Variants in PER3 observed in about 807,000 individuals in gnomAD.
The protein encoded by PER3 is period circadian regulator 3.
Under a neutral mutation model 127.2 loss-of-function variants are expected in PER3, and 107 were observed. The observed-to-expected ratio is 0.84, with a 90% confidence interval of 0.72 to 0.99. The LOEUF is 0.99. Among genes scored for constraint, PER3 ranks in the 50% least tolerant of loss-of-function variants. The probability of loss-of-function intolerance (pLI) is 0.00; values close to 1 mark genes in which losing one functional copy is unlikely to be tolerated. For missense variants in PER3, 1,560 were observed against 1,525.8 expected, an observed-to-expected ratio of 1.02 and a Z score of -0.37; for synonymous variants, 618 against 585.8, an observed-to-expected ratio of 1.05 and a Z score of -0.79.
chr1:7,835,977 A>AT, intron 20 of PER3, 32 bp downstream of exon 20: 1 of 1,436,580 alleles, frequency 7.0e-7, no homozygotes, highest in Non-Finnish European at 9.6e-7. Context: ...CCCACTTTTT[A>AT]TATTTTTGTG....
At chr1:7,819,229 T>C (rs990720511) in intron 13 of PER3, 56 bp from the exon 14 acceptor site, 6 of 1,483,044 alleles carry the variant, frequency 4.0e-6, no homozygotes, top group South Asian at 1.2e-5. Context: ...AGAAAGTATA[T>C]GTTCTTAATT....
Position 7,826,651 on chromosome 1 carries a change from C to T in PER3, c.2129C>T (p.Pro710Leu). 3 of 1,613,402 alleles carry T rather than the reference C, an allele frequency of 1.9e-6. No homozygotes were observed. The highest frequency in any genetic ancestry group is 2.5e-6 in the Non-Finnish European group (3 of 1,179,404). The part of the protein sequence containing the change: ...DKFREKILSS[P>L]YSSYLQQESR... The stretch of plus-strand genomic sequence containing the variant: ...TTCCGAGAAAAGATCCTGTCATCAC[C>T]CTACAGCTCCTATCTTCAGCAAGAA... The change falls in exon 17 of 22, where the codon CCC (proline) becomes CTC (leucine). Residue 710 changes from proline (P) to leucine (L), a missense_variant. Transcript: ENST00000377532. This position sits in a 1 kb window ranked among gnomAD's most constrained non-coding sequence, Gnocchi z 4.2.
intron 10 of PER3, 97 bp from the exon 11 acceptor site, chr1:7,808,796 T>C (rs1313615149): frequency 7.3e-6 from 5 of 687,854 alleles, no homozygotes; most frequent in Admixed American, 5.6e-5. Context: ...AGAATTGTTT[T>C]GTAAAAGCAT....
intron 18 of PER3, among the ~76,000 whole-genome samples, chr1:7,829,218 A>G (rs1208262055): frequency 3.3e-5 from 5 of 152,232 alleles, no homozygotes; most frequent in Non-Finnish European, 7.3e-5. Flanking sequence ...TTTCCTAAAC[A>G]TACTATACAT....
In PER3 at chr1:7,792,045, A is replaced by G. The variant is rs1340708085; in HGVS notation, c.593-1912A>G. On this transcript the variant is annotated intron_variant, in intron 5 of 21. Transcript: ENST00000377532. Reference sequence around the variant, plus strand: ...GTCACTTCCACATTTTTGGGTATCTATGGCAGCACCCCACTCTTTGCAGTA... The same window carrying G: ...GTCACTTCCACATTTTTGGGTATCTGTGGCAGCACCCCACTCTTTGCAGTA... Among the ~76,000 whole-genome samples, 3 of 152,142 alleles carry G rather than the reference A, an allele frequency of 2.0e-5. 1 individual carries two copies. The highest frequency in any genetic ancestry group is 4.4e-5 in the Non-Finnish European group (3 of 68,042).
chr1:7,844,705 GC>G lies in PER3; in HGVS notation c.*1951del, dbSNP rs2097403779. 1 of 152,826 alleles carries G rather than the reference GC, an allele frequency of 6.5e-6. No homozygotes were observed. The highest frequency in any genetic ancestry group is 2.4e-5 in the African/African-American group (1 of 41,474). 9.5% of individuals were successfully genotyped at this position (152,826 alleles called of 1,614,324 possible). A position where few individuals can be genotyped will look rare whatever the true frequency, so the allele number is the denominator to read the frequency against. ...TGGTGCTTGTCGCAGAACTGTCAGA[GC>G]ATGAGGAGCGCTCCTCCTGTGGGTG... On this transcript the variant is annotated 3_prime_UTR_variant, in exon 22 of 22. Transcript: ENST00000377532.
intron 6 of PER3, among the ~76,000 whole-genome samples, chr1:7,797,881 A>G (rs919970784): frequency 6.6e-6 from 1 of 152,124 alleles, no homozygotes; most frequent in Non-Finnish European, 1.5e-5. Context: ...CCGGGTGATG[A>G]TATTTGAAGT....
intron 10 of PER3, among the ~76,000 whole-genome samples, chr1:7,804,189 C>T (rs942529141): frequency 2.0e-5 from 3 of 151,452 alleles, no homozygotes; most frequent in Non-Finnish European, 2.9e-5. Context: ...TTATTTATAC[C>T]TATGATTATA....
chr1:7,810,864 T>C (rs907343265), intron 13 of PER3: 8 of 262,784 alleles, frequency 3.0e-5, no homozygotes, highest in Admixed American at 1.1e-4. Context: ...CAACGAATTA[T>C]AGATTTCCCT....
At position 7,788,265 on chromosome 1, in the gene PER3, A is replaced by G; in HGVS notation, c.592+19A>G. The G allele has an allele frequency of 6.5e-7, 1 of 1,536,132 alleles. No individual in the cohort carries two copies. On this transcript the variant is annotated intron_variant, in intron 5 of 21. Transcript: ENST00000377532. ...CAAAGAGGTAACAGGACCAATGTTC[A>G]GATGTCTATCTTTCCTCATCAAGAT...
chr1:7,805,713 C>CA (rs2150754842), intron 10 of PER3, among the ~76,000 whole-genome samples: 1 of 152,280 alleles, frequency 6.6e-6, no homozygotes, highest in East Asian at 1.9e-4. Context: ...TAGGAAACTG[C>CA]AGCCAGTAAG....
intron 13 of PER3, among the ~76,000 whole-genome samples, chr1:7,818,341 T>C (rs2097260695): frequency 1.3e-5 from 2 of 152,240 alleles, no homozygotes; most frequent in Non-Finnish European, 2.9e-5. Flanking sequence ...TAAAAATCAT[T>C]AATGAGTGAA....
chr1:7,793,650 T>C (rs1165842570), intron 5 of PER3, among the ~76,000 whole-genome samples: 1 of 152,226 alleles, frequency 6.6e-6, no homozygotes, highest in African/African-American at 2.4e-5. Context: ...CAAGGATCAT[T>C]ACATTGACCT....
chr1:7,834,763 A>G (rs2097349718), intron 19 of PER3, among the ~76,000 whole-genome samples: 1 of 152,162 alleles, frequency 6.6e-6, no homozygotes, highest in Non-Finnish European at 1.5e-5. Flanking sequence ...CAACCTAAAG[A>G]TATTTTTTAA....
At position 7,788,481 on chromosome 1, in the gene PER3, T is replaced by C. The variant is rs1577617371; in HGVS notation, c.592+235T>C. On this transcript the variant is annotated intron_variant, in intron 5 of 21. Coordinates refer to ENST00000377532, the MANE Select transcript of PER3 (RefSeq NM_001377275.1). The stretch of plus-strand genomic sequence containing the variant: ...TTTCACAGATGATATGTCATAAATA[T>C]TATTTCATTACCAGCGTATTGTATA... The C allele has an allele frequency of 9.7e-6, 5 of 514,652 alleles. No individual in the cohort carries two copies. The East Asian group carries it at 1.3e-4, about 13-fold the overall frequency. 31.9% of individuals were successfully genotyped at this position (514,652 alleles called of 1,614,324 possible). A position where few individuals can be genotyped will look rare whatever the true frequency, so the allele number is the denominator to read the frequency against.
intron 19 of PER3, among the ~76,000 whole-genome samples, chr1:7,831,412 C>A (rs2097331081): frequency 1.3e-5 from 2 of 152,118 alleles, no homozygotes; most frequent in Non-Finnish European, 2.9e-5. Flanking sequence ...AATTTTACTT[C>A]TTTTTTTCCG....
chr1:7,826,625 A>T lies in PER3; in HGVS notation c.2103A>T (p.Lys701Asn). 6.2e-7 allele frequency: 1 copy of T among 1,613,800 alleles called. No homozygotes were observed. Among genetic ancestry groups the T allele is most frequent in the Non-Finnish European group, 8.5e-7 (1 of 1,179,682 alleles). Residue 701 changes from lysine to asparagine, a missense_variant, in exon 17 of 22, where the codon AAA (lysine) becomes AAT (asparagine). Lys to Asn is a moderately conservative substitution (Grantham distance 94). This residue lies in a region of PER3 where 1,332 missense variants were observed against 1,223.6 expected (regional missense o/e 1.09). Transcript: ENST00000377532. The surrounding 1 kb of genome is among the most constrained non-coding windows in gnomAD (Gnocchi z 4.2). ...AGGAAGAGCAGAATTATGTTGATAA[A>T]TTCCGAGAAAAGATCCTGTCATCAC... Reference protein sequence around the residue: ...TQKEEQNYVDKFREKILSSPY... With the variant: ...TQKEEQNYVDNFREKILSSPY...
rs547192999 is a variant in PER3 at position 7,784,912 on chromosome 1, G to T, written c.35G>T (p.Arg12Leu). 1.0e-5 allele frequency: 16 copies of T among 1,524,656 alleles called. No individual in the cohort carries two copies. The African/African-American group carries it at 1.8e-4, about 17-fold the overall frequency. 94.4% of individuals were successfully genotyped at this position (1,524,656 alleles called of 1,614,324 possible). ...PRGEAPGPGR[R>L]GAKDEALGEE... The stretch of plus-strand genomic sequence containing the variant: ...GGGGAAGCTCCTGGCCCCGGGAGAC[G>T]GGGGGCTAAGGACGAGGCCCTGGGC... Residue 12 changes from arginine to leucine, a missense_variant, in exon 2 of 22, where the codon CGG becomes CTG. Physicochemically the swap from Arg to Leu is moderately radical, Grantham distance 102. Coordinates refer to ENST00000377532, the MANE Select transcript of PER3 (RefSeq NM_001377275.1).
rs779464551 is a variant in PER3, at chr1:7,827,347, C to A, written c.2418C>A (p.Leu806=). 1.9e-6 allele frequency: 3 copies of A among 1,613,934 alleles called. No individual in the cohort carries two copies. Among genetic ancestry groups the A allele is most frequent in the Non-Finnish European group, 2.5e-6 (3 of 1,179,992 alleles). The change falls in exon 18 of 22, where the codon CTC becomes CTA. Residue 806 remains leucine, a synonymous_variant. Coordinates refer to ENST00000377532, the MANE Select transcript of PER3 (RefSeq NM_001377275.1). The part of the protein sequence containing the change: ...AAMVPSQAPY[L]VPAFPLPAAT... ...TGGTGCCCAGCCAGGCCCCTTACCTCGTCCCAGCTTTTCCCCTCCCAGCCG... is the reference window on the plus strand; with the variant it reads ...TGGTGCCCAGCCAGGCCCCTTACCTAGTCCCAGCTTTTCCCCTCCCAGCCG...
Sources: gnomAD v4.1 joint callset for allele counts (sites outside exome capture counted in the v4.1 genomes callset) on GRCh38, gnomAD v4.1.1 for gene constraint, gnomAD v4.1.1 regional missense constraint, Gnocchi (gnomAD v3.1) non-coding constraint, MANE v1.5 for transcripts, NCBI Gene and HGNC (gene_info 2026-07-23, HGNC 2026-07-21) for gene names.